The following MARCHF1 variants were observed in gnomAD, a reference collection of about 807,000 sequenced individuals.
MARCHF1 encodes the protein membrane associated ring-CH-type finger 1, also known as E3 ubiquitin-protein ligase MARCHF1.
A neutral mutation model predicts 54.2 loss-of-function variants in MARCHF1; 40 were observed. That is an observed-to-expected ratio of 0.74 (90% CI 0.57 to 0.96). MARCHF1 has a LOEUF of 0.96. Ranked by LOEUF, MARCHF1 falls within the 40% of genes least tolerant of loss-of-function variation. The probability of loss-of-function intolerance (pLI) is 0.00; values close to 1 mark genes in which losing one functional copy is unlikely to be tolerated. For synonymous variants in MARCHF1, 236 were observed against 236.3 expected, an observed-to-expected ratio of 1.00 and a Z score of 0.01; for missense variants, 586 against 656.5, an observed-to-expected ratio of 0.89 and a Z score of 1.17.
chr4:163,550,281 C>CAAAAAAAAAAAAAAA (rs60320461), intron 8 of MARCHF1, among the ~76,000 whole-genome samples: 4 of 105,134 alleles, frequency 3.8e-5, no homozygotes, highest in Non-Finnish European at 5.9e-5. Context: ...GACTCCGTCT[C>CAAAAAAAAAAAAAAA]AAAAAAAAAA....
chr4:163,952,364 T>G (rs1394208784), intron 3 of MARCHF1, among the ~76,000 whole-genome samples: 4 of 152,186 alleles, frequency 2.6e-5, no homozygotes. Context: ...CTCTACACGC[T>G]AGTGCAAAGC....
intron 4 of MARCHF1, among the ~76,000 whole-genome samples, chr4:163,852,019 C>T (rs1265105923): frequency 6.6e-6 from 1 of 152,142 alleles, no homozygotes; most frequent in Non-Finnish European, 1.5e-5. Context: ...GAGGTTATCC[C>T]TGTAATACAG....
intron 2 of MARCHF1, among the ~76,000 whole-genome samples, chr4:164,099,655 T>C (rs776117644): frequency 6.6e-6 from 1 of 152,078 alleles, no homozygotes; most frequent in Non-Finnish European, 1.5e-5. Flanking sequence ...TTAAAACAAA[T>C]GAAATAGAAA....
chr4:164,190,789 T>G (rs991821902), intron 1 of MARCHF1, among the ~76,000 whole-genome samples: 3 of 152,194 alleles, frequency 2.0e-5, no homozygotes, highest in Admixed American at 6.5e-5. Context: ...CCTTTTATAT[T>G]TGCATGATAG....
intron 4 of MARCHF1, among the ~76,000 whole-genome samples, chr4:163,709,957 TAAG>T (rs1388627044): frequency 6.6e-6 from 1 of 152,222 alleles, no homozygotes; most frequent in African/African-American, 2.4e-5. Flanking sequence ...AGAAAGATAA[TAAG>T]GACAATTGCT....
chr4:163,994,736 CACAT>C (rs1252201329), intron 2 of MARCHF1, among the ~76,000 whole-genome samples: 99 of 67,052 alleles, frequency 1.5e-3, no homozygotes, highest in African/African-American at 5.1e-3. Flanking sequence ...TAATCAAGCA[CACAT>C]ACACACACAC....
intron 4 of MARCHF1, among the ~76,000 whole-genome samples, chr4:163,720,272 G>A (rs1048105899): frequency 6.6e-6 from 1 of 152,032 alleles, no homozygotes; most frequent in African/African-American, 2.4e-5. Flanking sequence ...CAGCACCACT[G>A]ATTAAATAGG....
chr4:163,872,730 C>A (rs1307308692), intron 3 of MARCHF1, among the ~76,000 whole-genome samples: 1 of 152,046 alleles, frequency 6.6e-6, no homozygotes, highest in Non-Finnish European at 1.5e-5. Flanking sequence ...GATATTTTGA[C>A]ATTTATTTAA....
chr4:163,852,088 T>C (rs1041032640), intron 4 of MARCHF1, among the ~76,000 whole-genome samples: 2 of 152,204 alleles, frequency 1.3e-5, no homozygotes, highest in Non-Finnish European at 2.9e-5. Flanking sequence ...TTTCTTTATA[T>C]TAAAATTATT....
intron 5 of MARCHF1, among the ~76,000 whole-genome samples, chr4:163,642,729 G>T (rs1008690957): frequency 6.6e-6 from 1 of 152,038 alleles, no homozygotes; most frequent in Non-Finnish European, 1.5e-5. Flanking sequence ...AACATGTTTT[G>T]GAGAGCTATA....
intron 1 of MARCHF1, among the ~76,000 whole-genome samples, chr4:164,176,968 C>A (rs1296723964): frequency 0.14 from 6,080 of 42,064 alleles, 862 homozygotes; most frequent in Non-Finnish European, 0.2. Flanking sequence ...CTCTCTCTCT[C>A]TCTCTCTCTC....
At chr4:164,124,104 T>A (rs1358197205) in intron 1 of MARCHF1, among the ~76,000 whole-genome samples, 2 of 146,830 alleles carry the variant, frequency 1.4e-5, no homozygotes, top group Non-Finnish European at 2.9e-5. Context: ...TTTGAATAGA[T>A]ATTTCTCAAA....
intron 5 of MARCHF1, among the ~76,000 whole-genome samples, chr4:163,619,148 T>C (rs1221635929): frequency 1.3e-5 from 2 of 152,168 alleles, no homozygotes; most frequent in South Asian, 4.1e-4. Flanking sequence ...AGGTTTTGAA[T>C]GTTACATTGA....
intron 1 of MARCHF1, among the ~76,000 whole-genome samples, chr4:164,202,749 C>T (rs540143597): frequency 3.3e-5 from 5 of 152,262 alleles, no homozygotes; most frequent in South Asian, 2.1e-4. Flanking sequence ...TCATAGTTCT[C>T]GAATATTTCC....
intron 2 of MARCHF1, among the ~76,000 whole-genome samples, chr4:164,089,542 C>A (rs1755257157): frequency 6.6e-6 from 1 of 152,084 alleles, no homozygotes; most frequent in African/African-American, 2.4e-5. Context: ...TGTCCAAACT[C>A]ATTAAATTAT....
chr4:163,571,186 C>T (rs890905591), intron 8 of MARCHF1, among the ~76,000 whole-genome samples: 7 of 152,068 alleles, frequency 4.6e-5, no homozygotes, highest in Non-Finnish European at 1.0e-4. Context: ...TTGAGTCATA[C>T]TTTAATAGTT....
At chr4:163,815,778 A>T (rs948966056) in intron 4 of MARCHF1, among the ~76,000 whole-genome samples, 7 of 152,312 alleles carry the variant, frequency 4.6e-5, no homozygotes, top group Non-Finnish European at 1.0e-4. Context: ...ATTGTAAGAG[A>T]TATTACAGAA....
At chr4:163,829,915 A>G (rs1748970330) in intron 4 of MARCHF1, among the ~76,000 whole-genome samples, 1 of 152,184 alleles carries the variant, frequency 6.6e-6, no homozygotes, top group Non-Finnish European at 1.5e-5. Flanking sequence ...CTGGCTTCCT[A>G]AGTTTCTGAA....
At chr4:164,153,161 A>G (rs1234348103) in intron 1 of MARCHF1, among the ~76,000 whole-genome samples, 1 of 152,176 alleles carries the variant, frequency 6.6e-6, no homozygotes. Context: ...AGGTGAAAAT[A>G]ATGATTAGAT....
Sources: gnomAD v4.1 joint callset for allele counts (sites outside exome capture counted in the v4.1 genomes callset) on GRCh38, gnomAD v4.1.1 for gene constraint, MANE v1.5 for transcripts, NCBI Gene and HGNC (gene_info 2026-07-23, HGNC 2026-07-21) for gene names.